NAMPT: variants seen among roughly 807,000 people sequenced by gnomAD.
NAMPT encodes the protein nicotinamide phosphoribosyltransferase, also known as NAmPRTase.
Under a neutral mutation model 58.7 loss-of-function variants are expected in NAMPT, and 7 were observed. That is an observed-to-expected ratio of 0.12 (90% CI 0.07 to 0.22). NAMPT has a LOEUF of 0.22. Ranked by LOEUF, NAMPT falls within the 10% of genes least tolerant of loss-of-function variation. NAMPT has a pLI of 1.00. For synonymous variants in NAMPT, 145 were observed against 198.1 expected, an observed-to-expected ratio of 0.73 and a Z score of 2.25; for missense variants, 271 against 567.9, an observed-to-expected ratio of 0.48 and a Z score of 5.31.
At chr7:106,262,210 C>CT (rs769003059) in intron 7 of NAMPT, among the ~76,000 whole-genome samples, 1 of 152,070 alleles carries the variant, frequency 6.6e-6, no homozygotes, top group Admixed American at 6.6e-5. Context: ...CCCATAGTCT[C>CT]TAAGTTCTCC....
chr7:106,278,029 C>T (rs2115826231), intron 1 of NAMPT, among the ~76,000 whole-genome samples: 1 of 152,272 alleles, frequency 6.6e-6, no homozygotes, highest in South Asian at 2.1e-4. Flanking sequence ...GTAGGAATAA[C>T]AGTGCCTTGA....
chr7:106,271,617 G>A (rs1562817149), intron 4 of NAMPT, among the ~76,000 whole-genome samples: 1 of 151,846 alleles, frequency 6.6e-6, no homozygotes, highest in Non-Finnish European at 1.5e-5. Context: ...TGTATTATTA[G>A]TTAATGGCCC....
intron 3 of NAMPT, among the ~76,000 whole-genome samples, chr7:106,274,661 C>T (rs1221385455): frequency 6.6e-6 from 1 of 152,144 alleles, no homozygotes; most frequent in African/African-American, 2.4e-5. Context: ...TTGAGACCAG[C>T]CTGGCCAACA....
chr7:106,283,123 G>A (rs1181109337), intron 1 of NAMPT, among the ~76,000 whole-genome samples: 1 of 152,002 alleles, frequency 6.6e-6, no homozygotes, highest in African/African-American at 2.4e-5. Flanking sequence ...GGGAAAAAAT[G>A]AAAAATCTAA....
At chr7:106,263,701 A>G in intron 6 of NAMPT, 84 bp from the exon 7 acceptor site, 1 of 1,010,368 alleles carries the variant, frequency 9.9e-7, no homozygotes, top group Non-Finnish European at 1.5e-6. Context: ...TCTCATGTTT[A>G]CTATACCAAA....
chr7:106,248,848 GC>G lies in NAMPT; in HGVS notation c.*2234del, dbSNP rs1792060822. ...GAATGGAGATGGCCAAATACCAAGT[GC>G]TTAGTGACAGAAAGTCAGAATTAAT... On this transcript the variant is annotated 3_prime_UTR_variant, in exon 11 of 11. Transcript: ENST00000222553. 6.6e-6 allele frequency: 1 copy of G among 152,070 alleles called. No homozygotes were observed. The allele number at this position is 152,070 out of a possible 1,614,324, so 9.4% of individuals were successfully genotyped here.
intron 7 of NAMPT, among the ~76,000 whole-genome samples, chr7:106,262,970 A>AAGAGT (rs575453391): frequency 8.0e-4 from 121 of 152,198 alleles, no homozygotes; most frequent in African/African-American, 2.8e-3. Flanking sequence ...CCTCCACTTG[A>AAGAGT]AGAGTATTTT....
chr7:106,253,869 A>G (rs889252949), intron 9 of NAMPT, among the ~76,000 whole-genome samples: 2 of 152,068 alleles, frequency 1.3e-5, no homozygotes, highest in Admixed American at 6.6e-5. Flanking sequence ...GCTCTATAGA[A>G]TCTCCAGCTC....
chr7:106,278,802 TGA>T (rs1328009245), intron 1 of NAMPT, among the ~76,000 whole-genome samples: 1 of 152,170 alleles, frequency 6.6e-6, no homozygotes, highest in Non-Finnish European at 1.5e-5. Flanking sequence ...GACTAAGTAG[TGA>T]GATAGAAGAA....
chr7:106,269,054 T>C (rs1792480574), intron 5 of NAMPT, 100 bp downstream of exon 5: 2 of 1,155,892 alleles, frequency 1.7e-6, no homozygotes, highest in Non-Finnish European at 2.5e-6. Flanking sequence ...TTTGGAATTT[T>C]AGAACCAAGA....
At chr7:106,258,243 T>G (rs1488386576) in intron 8 of NAMPT, among the ~76,000 whole-genome samples, 1 of 152,224 alleles carries the variant, frequency 6.6e-6, no homozygotes, top group Non-Finnish European at 1.5e-5. Context: ...CGCCTCATAT[T>G]GGAACTCTAA....
chr7:106,273,084 ATAAAGGATTGC>A (rs1483406199), intron 3 of NAMPT, among the ~76,000 whole-genome samples: 1 of 152,244 alleles, frequency 6.6e-6, no homozygotes, highest in African/African-American at 2.4e-5. Flanking sequence ...AGATTGAAAG[ATAAAGGATTGC>A]TATTAAAGAA....
intron 6 of NAMPT, among the ~76,000 whole-genome samples, chr7:106,267,985 G>C (rs1216125335): frequency 6.6e-6 from 1 of 151,038 alleles, no homozygotes; most frequent in East Asian, 1.9e-4. Flanking sequence ...AGCAGACAAG[G>C]AAGCGTAAAA....
chr7:106,250,005 T>C lies in NAMPT; in HGVS notation c.*1078A>G, dbSNP rs1323426662. On this transcript the variant is annotated 3_prime_UTR_variant, in exon 11 of 11. Transcript: ENST00000222553. The stretch of plus-strand genomic sequence containing the variant: ...TAAGAATGTGCTTCAGTATTACTTA[T>C]TGAGGGCATTCAGTTTAAAATTAAT... 1.3e-5 allele frequency: 2 copies of C among 152,110 alleles called. No homozygotes were observed. The highest frequency in any genetic ancestry group is 2.9e-5 in the Non-Finnish European group (2 of 67,962). 9.4% of individuals were successfully genotyped at this position (152,110 alleles called of 1,614,324 possible). A position where few individuals can be genotyped will look rare whatever the true frequency, so the allele number is the denominator to read the frequency against.
At chr7:106,280,768 C>T (rs969189300) in intron 1 of NAMPT, among the ~76,000 whole-genome samples, 3 of 151,856 alleles carry the variant, frequency 2.0e-5, no homozygotes, top group Admixed American at 1.3e-4. Context: ...GGTGAAACCC[C>T]GTCTCTACTA....
chr7:106,259,485 T>C (rs533991217), intron 8 of NAMPT, among the ~76,000 whole-genome samples: 1 of 152,320 alleles, frequency 6.6e-6, no homozygotes, highest in South Asian at 2.1e-4. Context: ...TGGAGTGCAG[T>C]GGCGTGATCT....
intron 6 of NAMPT, among the ~76,000 whole-genome samples, chr7:106,264,211 T>C (rs1005316312): frequency 6.6e-6 from 1 of 152,096 alleles, no homozygotes; most frequent in Non-Finnish European, 1.5e-5. Context: ...GTATTTTGTT[T>C]GCAGATTATC....
intron 9 of NAMPT, 130 bp from the exon 10 acceptor site, chr7:106,253,281 CA>C: frequency 1.2e-6 from 1 of 863,264 alleles, no homozygotes; most frequent in Non-Finnish European, 1.8e-6. Flanking sequence ...ATAACTGAAC[CA>C]ATCCACATCT....
chr7:106,284,535 G>A lies in NAMPT; in HGVS notation c.57+293C>T, dbSNP rs544170077. On this transcript the variant is annotated intron_variant, in intron 1 of 10. Transcript: ENST00000222553. ...CCCCGAGCCCCGAGCACCGGCGCCC[G>A]GGAGTCCGCTGGGGCCCGCCTCAGC... 22 of 159,732 alleles carry A rather than the reference G, an allele frequency of 1.4e-4. No individual in the cohort carries two copies. In the South Asian group the frequency reaches 3.1e-3, roughly 23 times the overall value. 9.9% of individuals were successfully genotyped at this position (159,732 alleles called of 1,614,324 possible).
Sources: gnomAD v4.1 joint callset for allele counts (sites outside exome capture counted in the v4.1 genomes callset) on GRCh38, gnomAD v4.1.1 for gene constraint, MANE v1.5 for transcripts, NCBI Gene and HGNC (gene_info 2026-07-23, HGNC 2026-07-21) for gene names.